The following SCUBE1 variants were observed in gnomAD, a reference collection of about 807,000 sequenced individuals.
SCUBE1 encodes signal peptide, CUB and EGF-like domain-containing protein 1.
Under a neutral mutation model 124.4 loss-of-function variants are expected in SCUBE1, and 59 were observed. The ratio of observed to expected loss-of-function variants is 0.47; its 90% CI spans 0.38 to 0.59. The LOEUF (loss-of-function observed/expected upper bound fraction) is 0.59, where lower values mean the gene tolerates loss of function less well. SCUBE1 is among the 20% of genes least tolerant of loss of function. The pLI is 0.00. For missense variants in SCUBE1, 1,150 were observed against 1,371.2 expected (o/e 0.84, Z 2.55); for synonymous variants, 545 against 550.9 (o/e 0.99, Z 0.15).
intron 2 of SCUBE1, among the ~76,000 whole-genome samples, chr22:43,324,305 C>T (rs1255566445): frequency 1.3e-5 from 2 of 152,210 alleles, no homozygotes; most frequent in African/African-American, 2.4e-5. Flanking sequence ...CTCCCCATAA[C>T]GTAGGCCACA....
At chr22:43,217,366 A>T (rs1417468797) in intron 15 of SCUBE1, among the ~76,000 whole-genome samples, 7 of 107,232 alleles carry the variant, frequency 6.5e-5, no homozygotes, top group Admixed American at 5.5e-4. Flanking sequence ...CCCCCAGCCC[A>T]CTCTTCCTCA....
chr22:43,235,692 C>T (rs997109719), intron 7 of SCUBE1, among the ~76,000 whole-genome samples: 2 of 152,124 alleles, frequency 1.3e-5, no homozygotes, highest in Non-Finnish European at 2.9e-5. Context: ...TGCCAGCCAC[C>T]GGCAGCCCAG....
intron 4 of SCUBE1, 41 bp downstream of exon 4, chr22:43,290,989 TCTGGGGGCTGCCCATC>T (rs778223613): frequency 1.1e-5 from 16 of 1,503,704 alleles, no homozygotes; most frequent in Non-Finnish European, 1.3e-5. Context: ...AGAAGGGGAC[TCTGGGGGCTGCCCATC>T]CTGGGGGGGG....
chr22:43,290,750 G>A (rs1305741035), intron 4 of SCUBE1, among the ~76,000 whole-genome samples: 1 of 152,228 alleles, frequency 6.6e-6, no homozygotes, highest in Non-Finnish European at 1.5e-5. Flanking sequence ...ACTCTTCCTG[G>A]CCACAGCCAG....
chr22:43,325,901 A>G (rs2146790941), intron 2 of SCUBE1, among the ~76,000 whole-genome samples: 1 of 151,756 alleles, frequency 6.6e-6, no homozygotes, highest in Non-Finnish European at 1.5e-5. Flanking sequence ...CGTGCCAGCA[A>G]CGCAGGTTTG....
In SCUBE1 at chr22:43,211,697, T is replaced by C. The variant is rs1921566614; in HGVS notation, c.2222-614A>G. Among the ~76,000 whole-genome samples, 1 of 152,050 alleles carries C rather than the reference T, an allele frequency of 6.6e-6. No individual in the cohort carries two copies. Among genetic ancestry groups the C allele is most frequent in the Non-Finnish European group, 1.5e-5 (1 of 68,000 alleles). ...ACACCCGGCTAATTATTTTTGTATT[T>C]TTTTTAAGTAGAGACAGGGTTTTGC... On this transcript the variant is annotated intron_variant, in intron 17 of 21. Coordinates refer to ENST00000360835, the MANE Select transcript of SCUBE1 (RefSeq NM_173050.5). This position sits in a 1 kb window ranked among gnomAD's most constrained non-coding sequence, Gnocchi z 4.5.
rs150526648 is a variant in SCUBE1, at chr22:43,198,624, C to T, written c.*5373G>A. On this transcript the variant is annotated 3_prime_UTR_variant, in exon 22 of 22. Transcript: ENST00000360835. ...GAATGATGTCGGCTCGGCATGGACA[C>T]CTTGTGCATCTTTGGTGAAAAGGGA... 8.3e-5 allele frequency: 38 copies of T among 456,766 alleles called. No homozygotes were observed. The East Asian group carries it at 9.0e-4, about 11-fold the overall frequency. The allele number at this position is 456,766 out of a possible 1,614,324, so 28.3% of individuals were successfully genotyped here.
intron 2 of SCUBE1, among the ~76,000 whole-genome samples, chr22:43,323,814 AATAC>A (rs1357525857): frequency 1.3e-5 from 2 of 152,192 alleles, no homozygotes; most frequent in African/African-American, 2.4e-5. Flanking sequence ...CAGCTTACAA[AATAC>A]ATACAACAAT....
At chr22:43,329,230 G>C (rs1365720682) in intron 2 of SCUBE1, among the ~76,000 whole-genome samples, 1 of 152,248 alleles carries the variant, frequency 6.6e-6, no homozygotes, top group African/African-American at 2.4e-5. Context: ...CCTGCCTACA[G>C]ACTGGCCAGG....
At chr22:43,314,773 C>T (rs1025292843) in intron 3 of SCUBE1, among the ~76,000 whole-genome samples, 3 of 152,166 alleles carry the variant, frequency 2.0e-5, no homozygotes, top group Admixed American at 2.0e-4. Flanking sequence ...CAGGCATTGC[C>T]CATGCTACCA....
chr22:43,297,091 C>T (rs928134040), intron 3 of SCUBE1, among the ~76,000 whole-genome samples: 4 of 152,252 alleles, frequency 2.6e-5, no homozygotes, highest in African/African-American at 7.2e-5. Context: ...CACCCAGCCA[C>T]CAGGCCTGAG....
intron 2 of SCUBE1, among the ~76,000 whole-genome samples, chr22:43,332,190 A>T (rs1019402126): frequency 6.6e-6 from 1 of 152,104 alleles, no homozygotes; most frequent in Non-Finnish European, 1.5e-5. Flanking sequence ...TGGGAGGCTG[A>T]GGTATGAGAA....
intron 17 of SCUBE1, among the ~76,000 whole-genome samples, chr22:43,212,046 C>T (rs1020393004): frequency 5.3e-5 from 8 of 152,006 alleles, no homozygotes; most frequent in African/African-American, 1.9e-4. Context: ...GACCAGATGC[C>T]CTGAACAGAC....
rs762070959 is a variant in SCUBE1, at chr22:43,223,104, G to A, written c.1320C>T (p.Phe440=). 142 of 1,543,584 alleles carry A rather than the reference G, an allele frequency of 9.2e-5. No homozygotes were observed. The highest frequency in any genetic ancestry group is 1.2e-4 in the Non-Finnish European group (136 of 1,150,426). ...AGGGACGGCCCGGGTTACCTGGCAC[G>A]AAGAGTGTGTGAGCCGGGCAGGAAA... ...CFLSCPAHTL[F]VPDSENSYVL... The change falls in exon 11 of 22, where the codon TTC becomes TTT. Residue 440 remains phenylalanine, a synonymous_variant. Coordinates refer to ENST00000360835, the MANE Select transcript of SCUBE1 (RefSeq NM_173050.5).
At chr22:43,227,565 C>G in intron 9 of SCUBE1, 69 bp from the exon 10 acceptor site, 3 of 1,579,320 alleles carry the variant, frequency 1.9e-6, no homozygotes, top group Admixed American at 3.4e-5. Context: ...GAAGGGACCA[C>G]CCAGGGCAAG....
intron 2 of SCUBE1, among the ~76,000 whole-genome samples, chr22:43,333,976 C>T (rs1052746873): frequency 3.9e-5 from 6 of 152,196 alleles, no homozygotes; most frequent in African/African-American, 7.2e-5. Flanking sequence ...GCCATGTCCT[C>T]GGGGCATGCT....
At chr22:43,280,440 TCCC>T (rs1254101721) in intron 4 of SCUBE1, among the ~76,000 whole-genome samples, 15 of 46,248 alleles carry the variant, frequency 3.2e-4, no homozygotes, top group African/African-American at 1.3e-3. Context: ...CCCTCACCCA[TCCC>T]CCTGTCCCTT....
At chr22:43,221,356 G>A in intron 12 of SCUBE1, 67 bp from the exon 13 acceptor site, 1 of 850,462 alleles carries the variant, frequency 1.2e-6, no homozygotes, top group South Asian at 1.4e-5. Context: ...TGGGGGACGG[G>A]GGCTGCCAGG....
rs146080873 is a variant in SCUBE1 at position 43,215,461 on chromosome 22, G to A, written c.1892-1210C>T. ...AGAGGTGGCTGACATGGCGGGAGCT[G>A]TGCAGAAGTTTGATGAGGAGGAGAA... On this transcript the variant is annotated intron_variant, in intron 15 of 21. Transcript: ENST00000360835. 7.9e-5 allele frequency among the ~76,000 whole-genome samples: 12 copies of A among 152,360 alleles called. No homozygotes were observed. In the East Asian group the frequency reaches 2.3e-3, roughly 29 times the overall value.
Sources: gnomAD v4.1 joint callset for allele counts (sites outside exome capture counted in the v4.1 genomes callset) on GRCh38, gnomAD v4.1.1 for gene constraint, Gnocchi (gnomAD v3.1) non-coding constraint, MANE v1.5 for transcripts, NCBI Gene and HGNC (gene_info 2026-07-23, HGNC 2026-07-21) for gene names.